The following SNX6 variants were observed in gnomAD, a reference collection of about 807,000 sequenced individuals.
SNX6 encodes sorting nexin 6, also known as sorting nexin-6.
In SNX6, 34 loss-of-function variants were observed where a neutral mutation model predicts 63.0. That is an observed-to-expected ratio of 0.54 (90% CI 0.41 to 0.72). SNX6 has a LOEUF of 0.72. Among genes scored for constraint, SNX6 ranks in the 30% least tolerant of loss-of-function variants. The probability of loss-of-function intolerance (pLI) is 0.00; values close to 1 mark genes in which losing one functional copy is unlikely to be tolerated. For synonymous variants in SNX6, 170 were observed against 164.2 expected, an observed-to-expected ratio of 1.04 and a Z score of -0.27; for missense variants, 398 against 471.4, an observed-to-expected ratio of 0.84 and a Z score of 1.44.
At position 34,562,880 on chromosome 14, in the gene SNX6, G is replaced by C; in HGVS notation, c.*242C>G. ...AAAGAAGAATGAACTTTGGACTTCT[G>C]AGTATGACGAGTGCACGATGATGGA... On this transcript the variant is annotated 3_prime_UTR_variant, in exon 14 of 14. Coordinates refer to ENST00000362031, the MANE Select transcript of SNX6 (RefSeq NM_152233.4). The C allele has an allele frequency of 2.0e-6, 1 of 488,850 alleles. No individual in the cohort carries two copies. Among genetic ancestry groups the C allele is most frequent in the Non-Finnish European group, 3.7e-6 (1 of 273,608 alleles). 30.3% of individuals were successfully genotyped at this position (488,850 alleles called of 1,614,324 possible).
chr14:34,574,685 G>C (rs1438018640), intron 11 of SNX6, among the ~76,000 whole-genome samples: 1 of 145,880 alleles, frequency 6.9e-6, no homozygotes, highest in Admixed American at 6.9e-5. Flanking sequence ...CCAGGGTTTT[G>C]TTTTCCAAGA....
intron 2 of SNX6, among the ~76,000 whole-genome samples, chr14:34,618,261 C>T (rs1465830403): frequency 1.3e-5 from 2 of 152,222 alleles, no homozygotes; most frequent in East Asian, 3.9e-4. Context: ...AGCTGAATAC[C>T]TTACAGTGGC....
chr14:34,594,057 G>A (rs1019134485), intron 7 of SNX6, among the ~76,000 whole-genome samples: 3 of 152,110 alleles, frequency 2.0e-5, no homozygotes, highest in Non-Finnish European at 2.9e-5. Context: ...GTTCTTATTT[G>A]TGATCTGCCT....
At chr14:34,589,493 A>T (rs1446568800) in intron 8 of SNX6, among the ~76,000 whole-genome samples, 1 of 150,548 alleles carries the variant, frequency 6.6e-6, no homozygotes, top group African/African-American at 2.5e-5. Flanking sequence ...CAAAGAAAAC[A>T]TAAAGATTCT....
intron 9 of SNX6, among the ~76,000 whole-genome samples, chr14:34,583,972 T>C (rs191443315): frequency 6.7e-6 from 1 of 150,178 alleles, no homozygotes; most frequent in African/African-American, 2.4e-5. Flanking sequence ...CTCAGCCTCC[T>C]GAGTAGCTGG....
chr14:34,598,400 A>G (rs1017045203), intron 6 of SNX6, among the ~76,000 whole-genome samples: 1 of 151,926 alleles, frequency 6.6e-6, no homozygotes, highest in Non-Finnish European at 1.5e-5. Context: ...GATGAAAAAA[A>G]TTTTTTTTGA....
At chr14:34,586,436 G>C (rs1472026215) in intron 8 of SNX6, 131 bp from the exon 9 acceptor site, 6 of 476,712 alleles carry the variant, frequency 1.3e-5, no homozygotes, top group Non-Finnish European at 2.3e-5. Flanking sequence ...AACAGGCATG[G>C]TGGCTCATGC....
chr14:34,577,077 A>C (rs928226114), intron 10 of SNX6, among the ~76,000 whole-genome samples: 7 of 151,682 alleles, frequency 4.6e-5, no homozygotes, highest in Admixed American at 3.3e-4. Context: ...ACAAAAAAAA[A>C]CTTTCTAGGT....
intron 11 of SNX6, chr14:34,569,177 C>A: frequency 1.4e-6 from 1 of 730,180 alleles, no homozygotes; most frequent in Non-Finnish European, 2.5e-6. Flanking sequence ...GGGCTCAGTC[C>A]GTTTTTTTAA....
At chr14:34,584,491 C>G (rs1882069081) in intron 9 of SNX6, among the ~76,000 whole-genome samples, 1 of 151,764 alleles carries the variant, frequency 6.6e-6, no homozygotes, top group African/African-American at 2.4e-5. Context: ...GAACACGCCA[C>G]TGCACTCCAG....
chr14:34,628,472 A>G (rs1017736351), intron 2 of SNX6, among the ~76,000 whole-genome samples: 10 of 152,010 alleles, frequency 6.6e-5, no homozygotes, highest in Non-Finnish European at 1.3e-4. Flanking sequence ...AAGCCAACAA[A>G]CAAAAACCCA....
chr14:34,616,584 G>A (rs898301534), intron 2 of SNX6, among the ~76,000 whole-genome samples: 10 of 152,062 alleles, frequency 6.6e-5, no homozygotes, highest in Non-Finnish European at 1.0e-4. Flanking sequence ...TCTTGAGCTC[G>A]TGGGTTCAAG....
intron 5 of SNX6, 182 bp downstream of exon 5, chr14:34,605,414 A>G (rs551602699): frequency 2.4e-6 from 1 of 417,970 alleles, no homozygotes; most frequent in East Asian, 4.0e-5. Context: ...ATTATTCTAT[A>G]ATTTTCCTGT....
At chr14:34,571,449 A>G (rs531614182) in intron 11 of SNX6, among the ~76,000 whole-genome samples, 2 of 152,216 alleles carry the variant, frequency 1.3e-5, no homozygotes, top group South Asian at 4.2e-4. Flanking sequence ...AAACAACAAC[A>G]AAAAACGGAA....
chr14:34,607,064 T>C (rs1328561113), intron 4 of SNX6, among the ~76,000 whole-genome samples: 1 of 151,914 alleles, frequency 6.6e-6, no homozygotes, highest in Non-Finnish European at 1.5e-5. Context: ...AGGCATGAGC[T>C]ACCGTGCCCA....
rs1882655342 is a variant in SNX6 at position 34,597,635 on chromosome 14, C to T, written c.527G>A (p.Arg176Gln). The change falls in exon 7 of 14, where the codon CGA becomes CAA. Residue 176 changes from arginine (R) to glutamine (Q), a missense_variant. By Grantham distance (43) the Arg-to-Gln change is conservative. Transcript: ENST00000362031. ...AAGTTTCTCTTTTTTATTTTTTCCT[C>T]GCACACTCAACTGAAAGAAAGGTAA... ...FLEYNQDLSV[R>Q]GKNKKEKLED... is the part of the protein sequence containing the mutation. 1 of 1,589,184 alleles carries T rather than the reference C, an allele frequency of 6.3e-7. No individual in the cohort carries two copies. Among genetic ancestry groups the T allele is most frequent in the East Asian group, 2.2e-5 (1 of 44,674 alleles).
In SNX6 at chr14:34,581,545, A is replaced by C; in HGVS notation, c.834+16T>G. 1 of 1,374,976 alleles carries C rather than the reference A, an allele frequency of 7.3e-7. No homozygotes were observed. The highest frequency in any genetic ancestry group is 1.0e-6 in the Non-Finnish European group (1 of 973,614). 85.2% of individuals were successfully genotyped at this position (1,374,976 alleles called of 1,614,324 possible). On this transcript the variant is annotated intron_variant, in intron 10 of 13. Coordinates refer to ENST00000362031, the MANE Select transcript of SNX6 (RefSeq NM_152233.4). ...GCACAATATTATGCAGTATATCTCT[A>C]TAATTTAGTACTTACTCTTGTTTTA... is the stretch of plus-strand genomic sequence containing the variant.
In SNX6 at chr14:34,588,876, A is replaced by T. The variant is rs1288109806; in HGVS notation, c.719-2571T>A. ...GCTGAGGGCAGTGGTTCACACCTGT[A>T]ATCGCTCCCTCCTTTGGGAGGCTGA... On this transcript the variant is annotated intron_variant, in intron 8 of 13. Coordinates refer to ENST00000362031, the MANE Select transcript of SNX6 (RefSeq NM_152233.4). Among the ~76,000 whole-genome samples, 3 of 152,226 alleles carry T rather than the reference A, an allele frequency of 2.0e-5. No individual in the cohort carries two copies. The East Asian group carries it at 5.8e-4, about 29-fold the overall frequency.
intron 13 of SNX6, among the ~76,000 whole-genome samples, chr14:34,567,332 CA>C (rs1220129112): frequency 2.6e-5 from 4 of 151,898 alleles, no homozygotes; most frequent in Non-Finnish European, 5.9e-5. Context: ...ACTAAAAATA[CA>C]AAAATTACCC....
Sources: gnomAD v4.1 joint callset for allele counts (sites outside exome capture counted in the v4.1 genomes callset) on GRCh38, gnomAD v4.1.1 for gene constraint, MANE v1.5 for transcripts, NCBI Gene and HGNC (gene_info 2026-07-23, HGNC 2026-07-21) for gene names.